The following TTC12 variants were observed in gnomAD, a reference collection of about 807,000 sequenced individuals.
TTC12 encodes the protein tetratricopeptide repeat domain 12.
TTC12 carries 70 observed loss-of-function variants against 90.1 expected under a neutral mutation model. That is an observed-to-expected ratio of 0.78 (90% CI 0.64 to 0.95). TTC12 has a LOEUF of 0.95. Ranked by LOEUF, TTC12 falls within the 40% of genes least tolerant of loss-of-function variation. The probability of loss-of-function intolerance (pLI) is 0.00; values close to 1 mark genes in which losing one functional copy is unlikely to be tolerated. For missense variants in TTC12, 819 were observed against 846.1 expected (o/e 0.97, Z 0.40); for synonymous variants, 296 against 311.5 (o/e 0.95, Z 0.53).
At chr11:113,333,526 T>C (rs1322592878) in intron 7 of TTC12, among the ~76,000 whole-genome samples, 1 of 152,156 alleles carries the variant, frequency 6.6e-6, no homozygotes, top group Non-Finnish European at 1.5e-5. Context: ...ATGGCCAGAT[T>C]TCAAATTCCA....
chr11:113,349,493 T>C (rs1949150590), intron 13 of TTC12, among the ~76,000 whole-genome samples: 1 of 152,246 alleles, frequency 6.6e-6, no homozygotes, highest in South Asian at 2.1e-4. Context: ...TTGCTCATTT[T>C]GTGTTTGTAA....
chr11:113,359,833 A>G, intron 17 of TTC12, 107 bp from the exon 18 acceptor site: 4 of 793,218 alleles, frequency 5.0e-6, no homozygotes, highest in Non-Finnish European at 8.3e-6. Flanking sequence ...GAACCTGGGC[A>G]TAGTGTGGTG....
intron 9 of TTC12, 76 bp from the exon 10 acceptor site, chr11:113,339,210 A>G (rs912718892): frequency 1.6e-4 from 195 of 1,184,282 alleles, no homozygotes; most frequent in Non-Finnish European, 2.0e-4. Context: ...AAAAGAAAGG[A>G]AAAAAAAAGG....
At position 113,362,046 on chromosome 11, in the gene TTC12, G is replaced by A. The variant is rs1310122808; in HGVS notation, c.1615-355G>A. 2.6e-5 allele frequency among the ~76,000 whole-genome samples: 4 copies of A among 151,194 alleles called. 1 individual carries two copies. Among genetic ancestry groups the A allele is most frequent in the Admixed American group, 2.0e-4 (3 of 15,196 alleles). ...AAAGACAAAGATTCGAAAAGATAAA[G>A]ATAAATGACACAGAAGACCAATCCA... On this transcript the variant is annotated intron_variant, in intron 18 of 21. Coordinates refer to ENST00000529221, the MANE Select transcript of TTC12 (RefSeq NM_017868.4).
At chr11:113,367,797 C>T (rs933898491), downstream of TTC12, among the ~76,000 whole-genome samples, 3 of 152,208 alleles carry the variant, frequency 2.0e-5, no homozygotes, top group African/African-American at 7.2e-5. Context: ...CTGGAGGGAG[C>T]TCACTGGGGC....
At chr11:113,322,264 C>T (rs1283796087) in intron 2 of TTC12, among the ~76,000 whole-genome samples, 1 of 151,996 alleles carries the variant, frequency 6.6e-6, no homozygotes. Flanking sequence ...ATTTAAAGTA[C>T]ATAATTTAGA....
At chr11:113,319,280 A>C (rs1947142824) in intron 2 of TTC12, among the ~76,000 whole-genome samples, 1 of 152,166 alleles carries the variant, frequency 6.6e-6, no homozygotes, top group Non-Finnish European at 1.5e-5. Flanking sequence ...GGTCATCAAA[A>C]CTGTCAAGGT....
chr11:113,350,213 T>G, intron 14 of TTC12, 48 bp downstream of exon 14: 1 of 1,371,530 alleles, frequency 7.3e-7, no homozygotes, highest in Non-Finnish European at 1.0e-6. Flanking sequence ...CAGTCTTTGT[T>G]GAACTGTCTG....
At chr11:113,321,543 C>T (rs1214911240) in intron 2 of TTC12, among the ~76,000 whole-genome samples, 1 of 152,196 alleles carries the variant, frequency 6.6e-6, no homozygotes, top group Non-Finnish European at 1.5e-5. Flanking sequence ...AATGAATGCA[C>T]ATTTTATACA....
intron 2 of TTC12, among the ~76,000 whole-genome samples, chr11:113,320,962 G>A (rs532159626): frequency 6.6e-6 from 1 of 152,162 alleles, no homozygotes; most frequent in East Asian, 1.9e-4. Context: ...AGGATCGCTT[G>A]AGCCCAGGGG....
At chr11:113,368,465 T>C (rs1330661695), downstream of TTC12, 3 of 1,550,386 alleles carry the variant, frequency 1.9e-6, no homozygotes, top group African/African-American at 4.1e-5. Context: ...TTGTTCCAGG[T>C]AATCAGAGTC....
chr11:113,326,942 T>C (rs1157461367), intron 6 of TTC12, among the ~76,000 whole-genome samples: 1 of 152,312 alleles, frequency 6.6e-6, no homozygotes, highest in East Asian at 1.9e-4. Flanking sequence ...CTGTTGACAA[T>C]TCAGAGGCAT....
intron 16 of TTC12, among the ~76,000 whole-genome samples, chr11:113,353,434 G>C (rs567686675): frequency 6.6e-6 from 1 of 152,154 alleles, no homozygotes; most frequent in Non-Finnish European, 1.5e-5. Flanking sequence ...TCACTCTGTT[G>C]ATAATTTCCT....
intron 12 of TTC12, among the ~76,000 whole-genome samples, chr11:113,343,356 A>C (rs1428851762): frequency 1.3e-5 from 2 of 152,256 alleles, no homozygotes; most frequent in Non-Finnish European, 2.9e-5. Context: ...GGACCTTTCC[A>C]TTTCAGAAAT....
At chr11:113,317,113 A>T (rs782216984) in intron 2 of TTC12, among the ~76,000 whole-genome samples, 13 of 152,210 alleles carry the variant, frequency 8.5e-5, no homozygotes, top group Non-Finnish European at 1.6e-4. Context: ...GCCTTGGCCC[A>T]CTGCCACCTT....
At chr11:113,351,169 C>A (rs890978981) in intron 14 of TTC12, 70 bp from the exon 15 acceptor site, 163 of 1,422,558 alleles carry the variant, frequency 1.1e-4, no homozygotes, top group Non-Finnish European at 1.5e-4. Flanking sequence ...CATTAACTAT[C>A]TGAGACACTG....
At chr11:113,341,804 A>T (rs782463810) in intron 11 of TTC12, 33 bp from the exon 12 acceptor site, 1 of 1,526,926 alleles carries the variant, frequency 6.5e-7, no homozygotes, top group Non-Finnish European at 9.1e-7. Flanking sequence ...TGATTTTCAG[A>T]CTTTTAAGAT....
intron 2 of TTC12, among the ~76,000 whole-genome samples, chr11:113,321,631 T>C (rs1454124769): frequency 6.6e-6 from 1 of 152,234 alleles, no homozygotes; most frequent in African/African-American, 2.4e-5. Context: ...AATTCCTTTC[T>C]TCCCATCAAG....
At chr11:113,314,880 C>T (rs1461627776) in intron 1 of TTC12, 2 of 152,270 alleles carry the variant, frequency 1.3e-5, no homozygotes, top group East Asian at 1.9e-4. Context: ...GCGCGGGGCT[C>T]GGGCACAGGT....
Sources: gnomAD v4.1 joint callset for allele counts (sites outside exome capture counted in the v4.1 genomes callset) on GRCh38, gnomAD v4.1.1 for gene constraint, MANE v1.5 for transcripts, NCBI Gene and HGNC (gene_info 2026-07-23, HGNC 2026-07-21) for gene names.